SMPX: variants seen among roughly 807,000 people sequenced by gnomAD.
SMPX encodes the protein small muscular protein.
A neutral mutation model predicts 6.3 loss-of-function variants in SMPX; 2 were observed. That is an observed-to-expected ratio of 0.32 (90% confidence interval 0.13 to 0.99). SMPX has a LOEUF of 0.99. SMPX is among the 50% of genes least tolerant of loss of function. The pLI, the probability that SMPX is intolerant of heterozygous loss-of-function variation, is 0.49. For synonymous variants in SMPX, 32 were observed against 24.7 expected, an observed-to-expected ratio of 1.30 and a Z score of -0.88; for missense variants, 60 against 66.8, an observed-to-expected ratio of 0.90 and a Z score of 0.36.
chrX:21,731,128 C>G (rs2092802652), intron 4 of SMPX, among the ~76,000 whole-genome samples: 1 of 110,647 alleles, frequency 9.0e-6, no homozygotes, highest in Non-Finnish European at 1.9e-5. Flanking sequence ...TCTCCTTTGA[C>G]TCATTGGTTA....
chrX:21,706,566 C>T (rs2092773190), intron 4 of SMPX, among the ~76,000 whole-genome samples, 172 bp from the exon 5 acceptor site: 1 of 111,932 alleles, frequency 8.9e-6, no homozygotes, highest in Non-Finnish European at 1.9e-5. Flanking sequence ...CATCACCTCA[C>T]ATACTTATTT....
chrX:21,739,715 T>C (rs1392559837), intron 3 of SMPX, among the ~76,000 whole-genome samples: 1 of 112,428 alleles, frequency 8.9e-6, no homozygotes, highest in Non-Finnish European at 1.9e-5. Context: ...TGTGTAGTGG[T>C]GAAATGAAAA....
At chrX:21,746,691 C>A (rs1602110815) in intron 2 of SMPX, among the ~76,000 whole-genome samples, 1 of 92,830 alleles carries the variant, frequency 1.1e-5, no homozygotes. Flanking sequence ...TTGACAGGAA[C>A]CAAAGCAGCC....
intron 4 of SMPX, among the ~76,000 whole-genome samples, chrX:21,735,549 A>T (rs1016681709): frequency 1.8e-5 from 2 of 111,954 alleles, no homozygotes; most frequent in African/African-American, 6.5e-5. Flanking sequence ...CCCTGTAATC[A>T]CACAGCCAAG....
At chrX:21,751,252 G>A (rs2092827188) in intron 2 of SMPX, among the ~76,000 whole-genome samples, 1 of 111,910 alleles carries the variant, frequency 8.9e-6, no homozygotes, top group Admixed American at 9.5e-5. Flanking sequence ...AGCAAGTTGT[G>A]GACTCTGAGA....
chrX:21,744,188 T>C (rs2092819061), intron 2 of SMPX, among the ~76,000 whole-genome samples: 1 of 111,796 alleles, frequency 8.9e-6, no homozygotes, highest in Admixed American at 9.5e-5. Flanking sequence ...GAACACATAA[T>C]GACAGGCAAG....
intron 2 of SMPX, among the ~76,000 whole-genome samples, chrX:21,750,417 C>T (rs2092826216): frequency 8.9e-6 from 1 of 112,101 alleles, no homozygotes; most frequent in Admixed American, 9.5e-5. Context: ...GACATAGCCA[C>T]ATTCATTCAT....
At chrX:21,742,250 C>CTCCCCAT (rs2092816890) in intron 3 of SMPX, among the ~76,000 whole-genome samples, 2 of 111,842 alleles carry the variant, frequency 1.8e-5, no homozygotes, top group African/African-American at 3.3e-5. Context: ...AGAATTCCAC[C>CTCCCCAT]GCCGTCCCTT....
intron 4 of SMPX, among the ~76,000 whole-genome samples, chrX:21,706,622 A>G (rs1322570959): frequency 9.0e-6 from 1 of 111,530 alleles, no homozygotes; most frequent in Admixed American, 9.5e-5. Context: ...TCAAGGATAC[A>G]TTATTAACTG....
chrX:21,724,505 T>C (rs903441525), intron 4 of SMPX, among the ~76,000 whole-genome samples: 1 of 111,930 alleles, frequency 8.9e-6, no homozygotes, highest in African/African-American at 3.3e-5. Flanking sequence ...TAGATAGAGG[T>C]GGGTAGATTA....
chrX:21,745,053 C>A (rs1455531287), intron 2 of SMPX, among the ~76,000 whole-genome samples: 1 of 111,175 alleles, frequency 9.0e-6, no homozygotes, highest in African/African-American at 3.3e-5. Flanking sequence ...CTTTTCCTAC[C>A]CAGGGGCTTT....
intron 4 of SMPX, among the ~76,000 whole-genome samples, chrX:21,737,340 C>T (rs1200608892): frequency 9.0e-6 from 1 of 111,686 alleles, no homozygotes; most frequent in Admixed American, 9.5e-5. Context: ...GGCAGGCTAA[C>T]ATCTTCAATG....
At chrX:21,755,462 A>G (rs1381045862) in intron 1 of SMPX, among the ~76,000 whole-genome samples, 1 of 112,622 alleles carries the variant, frequency 8.9e-6, no homozygotes, top group African/African-American at 3.2e-5. Context: ...TCCATATTAC[A>G]TACATGCTCC....
chrX:21,752,620 C>T (rs920662881), intron 2 of SMPX, among the ~76,000 whole-genome samples: 7 of 110,541 alleles, frequency 6.3e-5, no homozygotes, highest in Admixed American at 9.6e-5. Flanking sequence ...CAGGTTCAAG[C>T]GATTCTCCTG....
chrX:21,755,716 T>G (rs2092832158), intron 1 of SMPX, among the ~76,000 whole-genome samples: 2 of 112,352 alleles, frequency 1.8e-5, no homozygotes, highest in Non-Finnish European at 3.8e-5. Flanking sequence ...AATTCCATAT[T>G]TTTTAAAAAC....
chrX:21,748,557 T>C (rs1297454219), intron 2 of SMPX, among the ~76,000 whole-genome samples: 1 of 111,753 alleles, frequency 8.9e-6, no homozygotes, highest in African/African-American at 3.3e-5. Flanking sequence ...CTTTGCCTCG[T>C]GTCACAAATA....
chrX:21,715,318 G>GCACA (rs2092783757), intron 4 of SMPX, among the ~76,000 whole-genome samples: 1 of 109,013 alleles, frequency 9.2e-6, no homozygotes, highest in African/African-American at 3.4e-5. Flanking sequence ...GCACGCGCGC[G>GCACA]CGCTCGCGCG....
In SMPX at chrX:21,706,248, A is replaced by G; in HGVS notation, c.*161T>C. The G allele has an allele frequency of 2.0e-6, 1 of 505,342 alleles. No individual in the cohort carries two copies. Among genetic ancestry groups the G allele is most frequent in the Non-Finnish European group, 3.5e-6 (1 of 281,711 alleles). The allele number at this position is 505,342 out of a possible 1,213,427, so 41.6% of individuals were successfully genotyped here. On this transcript the variant is annotated 3_prime_UTR_variant, in exon 5 of 5. Coordinates refer to ENST00000379494, the MANE Select transcript of SMPX (RefSeq NM_014332.3). ...GAAGATAAAGTAAGAAATACAGCCA[A>G]CTAGAAGGAAGAGATATAAATGTAC...
chrX:21,748,776 A>G (rs2092824217), intron 2 of SMPX, among the ~76,000 whole-genome samples: 1 of 112,693 alleles, frequency 8.9e-6, no homozygotes, highest in Admixed American at 9.4e-5. Context: ...ATGGCAAATG[A>G]AAGTTAATTT....
Sources: gnomAD v4.1 joint callset for allele counts (sites outside exome capture counted in the v4.1 genomes callset) on GRCh38, gnomAD v4.1.1 for gene constraint, MANE v1.5 for transcripts, NCBI Gene and HGNC (gene_info 2026-07-23, HGNC 2026-07-21) for gene names.